The following DCAF8L2 variants were observed in gnomAD, a reference collection of about 807,000 sequenced individuals.
DCAF8L2 encodes DDB1 and CUL4 associated factor 8 like 2.
For synonymous variants in DCAF8L2, 200 were observed against 190.9 expected (o/e 1.05, Z -0.39); for missense variants, 430 against 490.7 (o/e 0.88, Z 1.17).
intron 2 of DCAF8L2, among the ~76,000 whole-genome samples, chrX:27,642,172 C>G (rs1365671970): frequency 9.0e-6 from 1 of 110,774 alleles, no homozygotes; most frequent in Non-Finnish European, 1.9e-5. Flanking sequence ...GGATAACAAG[C>G]GTGAGCCACC....
At chrX:27,735,121 A>G (rs1921448234) in intron 4 of DCAF8L2, among the ~76,000 whole-genome samples, 1 of 111,871 alleles carries the variant, frequency 8.9e-6, no homozygotes, top group African/African-American at 3.2e-5. Flanking sequence ...GAGAAAAACA[A>G]ATAGAGTAAT....
chrX:27,638,438 G>A (rs905234023), intron 2 of DCAF8L2, among the ~76,000 whole-genome samples: 1 of 111,579 alleles, frequency 9.0e-6, no homozygotes, highest in Non-Finnish European at 1.9e-5. Context: ...CTTGGAAACC[G>A]ACACTTCCCA....
chrX:27,514,241 A>G, the DCAF8L2 span, among the ~76,000 whole-genome samples: 268 of 43,096 alleles, frequency 6.2e-3, 2 homozygotes, highest in Middle Eastern at 0.01. Context: ...GTGCATATGT[A>G]CACATATGTA....
the DCAF8L2 span, among the ~76,000 whole-genome samples, chrX:27,533,121 G>GAA: frequency 3.2e-5 from 1 of 30,820 alleles, no homozygotes; most frequent in Non-Finnish European, 9.2e-5. Flanking sequence ...AGGAAGGAAG[G>GAA]GAAAGGAAGG....
the DCAF8L2 span, among the ~76,000 whole-genome samples, chrX:27,476,343 G>A: frequency 9.0e-6 from 1 of 111,411 alleles, no homozygotes; most frequent in Non-Finnish European, 1.9e-5. Flanking sequence ...TAAGGATAAG[G>A]AGAAGTTGAT....
At position 27,670,238 on chromosome X, in the gene DCAF8L2, T is replaced by G. The variant is rs187554846; in HGVS notation, c.-219-7598T>G. On this transcript the variant is annotated intron_variant, in intron 2 of 4. Transcript: ENST00000451261. Reference sequence around the variant, plus strand: ...ATTCCCTGATGTTTTCATTTATTTCTAAGAGATTGGTTCAGTCAGGGCCCC... The same window carrying G: ...ATTCCCTGATGTTTTCATTTATTTCGAAGAGATTGGTTCAGTCAGGGCCCC... 1.9e-3 allele frequency among the ~76,000 whole-genome samples: 213 copies of G among 111,013 alleles called. 2 individuals carry two copies. The highest frequency in any genetic ancestry group is 2.9e-3 in the Non-Finnish European group (154 of 52,999).
the DCAF8L2 span, among the ~76,000 whole-genome samples, chrX:27,511,709 T>A: frequency 8.9e-6 from 1 of 112,016 alleles, no homozygotes; most frequent in Non-Finnish European, 1.9e-5. Context: ...AGATTATTTA[T>A]CCAAAATGTA....
At chrX:27,519,298 G>A in the DCAF8L2 span, 2 of 1,032,506 alleles carry the variant, frequency 1.9e-6, no homozygotes, top group South Asian at 1.9e-5. Flanking sequence ...ATGAAAACGA[G>A]CAAAAGAAGA....
At chrX:27,678,987 G>A (rs62590471) in intron 3 of DCAF8L2, among the ~76,000 whole-genome samples, 2,571 of 111,665 alleles carry the variant, frequency 0.023, 41 homozygotes, top group Non-Finnish European at 0.037. Flanking sequence ...GGACGGAAAT[G>A]TGTGATGAAA....
At chrX:27,558,926 C>T in the DCAF8L2 span, among the ~76,000 whole-genome samples, 2 of 110,426 alleles carry the variant, frequency 1.8e-5, no homozygotes, top group African/African-American at 3.3e-5. Context: ...ATCTTATGCT[C>T]AAGGGCCTGA....
the DCAF8L2 span, among the ~76,000 whole-genome samples, chrX:27,565,437 T>C: frequency 4.5e-5 from 5 of 111,921 alleles, no homozygotes; most frequent in Non-Finnish European, 9.4e-5. Context: ...CCTTTTAATA[T>C]TCTGTTGAAA....
At chrX:27,509,302 C>T in the DCAF8L2 span, among the ~76,000 whole-genome samples, 4 of 111,202 alleles carry the variant, frequency 3.6e-5, no homozygotes, top group East Asian at 8.5e-4. Flanking sequence ...CCCTCCTTTC[C>T]CTCAGTTGAA....
chrX:27,730,318 A>T (rs1253045686), intron 4 of DCAF8L2, among the ~76,000 whole-genome samples: 1 of 112,198 alleles, frequency 8.9e-6, no homozygotes, highest in African/African-American at 3.2e-5. Flanking sequence ...CATGAGATCT[A>T]CCCTTAACAA....
At chrX:27,612,639 G>A (rs1245178682) in intron 1 of DCAF8L2, among the ~76,000 whole-genome samples, 9 of 112,015 alleles carry the variant, frequency 8.0e-5, no homozygotes, top group African/African-American at 2.9e-4. Flanking sequence ...GTAAGGAAGG[G>A]ATCCAGTTTC....
At chrX:27,694,553 A>G (rs1930827497) in intron 3 of DCAF8L2, among the ~76,000 whole-genome samples, 1 of 110,858 alleles carries the variant, frequency 9.0e-6, no homozygotes, top group Admixed American at 9.8e-5. Context: ...TATGTGAAAG[A>G]TGATGTTACT....
chrX:27,705,079 G>C (rs2147274110), intron 3 of DCAF8L2, among the ~76,000 whole-genome samples: 1 of 110,526 alleles, frequency 9.0e-6, no homozygotes, highest in East Asian at 2.9e-4. Flanking sequence ...TCTTGTGTTA[G>C]TTTTCAAAAG....
chrX:27,481,100 G>A, the DCAF8L2 span, among the ~76,000 whole-genome samples: 1 of 111,192 alleles, frequency 9.0e-6, no homozygotes, highest in African/African-American at 3.3e-5. Context: ...GGTATTGGCC[G>A]GGTGCAGTGG....
At chrX:27,621,549 T>C (rs971816061) in intron 1 of DCAF8L2, among the ~76,000 whole-genome samples, 3 of 111,486 alleles carry the variant, frequency 2.7e-5, no homozygotes, top group Non-Finnish European at 5.6e-5. Context: ...ATATATAAAA[T>C]AGGCTCAAAT....
At chrX:27,650,847 G>A (rs982851932) in intron 2 of DCAF8L2, among the ~76,000 whole-genome samples, 2 of 60,346 alleles carry the variant, frequency 3.3e-5, no homozygotes, top group African/African-American at 3.2e-4. Context: ...TATGAGTGGT[G>A]AGAAGTGGGC....
Sources: gnomAD v4.1 joint callset for allele counts (sites outside exome capture counted in the v4.1 genomes callset) on GRCh38, gnomAD v4.1.1 for gene constraint, MANE v1.5 for transcripts, NCBI Gene and HGNC (gene_info 2026-07-23, HGNC 2026-07-21) for gene names.